RGPD4: variants seen among roughly 807,000 people sequenced by gnomAD.
RGPD4 encodes RANBP2 like and GRIP domain containing 4, also known as ranBP2-like and GRIP domain-containing protein 4.
In RGPD4, 84 loss-of-function variants were observed where a neutral mutation model predicts 141.1. The ratio of observed to expected loss-of-function variants is 0.60; its 90% CI spans 0.50 to 0.71. The LOEUF (loss-of-function observed/expected upper bound fraction) is 0.71. Ranked by LOEUF, RGPD4 falls within the 30% of genes least tolerant of loss-of-function variation. RGPD4 has a pLI of 0.00. For missense variants in RGPD4, 918 were observed against 1,622.4 expected (o/e 0.57, Z 7.46); for synonymous variants, 298 against 566.8 (o/e 0.53, Z 6.74).
intron 1 of RGPD4, 137 bp downstream of exon 1, chr2:107,827,222 C>G (rs1681233060): frequency 3.9e-6 from 2 of 514,884 alleles, no homozygotes; most frequent in African/African-American, 2.6e-5. Context: ...TCTGTTGAGG[C>G]GGCGGCCTCG....
chr2:107,840,923 A>G (rs1180403479), intron 4 of RGPD4, among the ~76,000 whole-genome samples: 1 of 68,402 alleles, frequency 1.5e-5, no homozygotes, highest in East Asian at 2.4e-4. Flanking sequence ...AGCCTTAACC[A>G]TTCACTTTTG....
intron 17 of RGPD4, among the ~76,000 whole-genome samples, chr2:107,863,797 A>C (rs2104471281): frequency 1.3e-5 from 2 of 152,048 alleles, no homozygotes; most frequent in East Asian, 3.9e-4. Flanking sequence ...CCAGCCCTTT[A>C]CTATATTTTT....
intron 20 of RGPD4, among the ~76,000 whole-genome samples, chr2:107,873,395 A>T (rs1377846596): frequency 1.6e-5 from 2 of 128,430 alleles, no homozygotes; most frequent in Non-Finnish European, 3.3e-5. Context: ...CAGCATGGTG[A>T]AACCCTGTTT....
At chr2:107,881,674 T>C (rs1333493347) in intron 21 of RGPD4, among the ~76,000 whole-genome samples, 7 of 150,550 alleles carry the variant, frequency 4.6e-5, no homozygotes, top group Non-Finnish European at 8.8e-5. Flanking sequence ...TTCTTTATTG[T>C]CACTTTTTTA....
intron 1 of RGPD4, among the ~76,000 whole-genome samples, chr2:107,830,186 A>G (rs549488072): frequency 6.6e-6 from 1 of 152,022 alleles, no homozygotes; most frequent in African/African-American, 2.4e-5. Context: ...TTAAAAAAAA[A>G]AATTCTAAAG....
intron 1 of RGPD4, among the ~76,000 whole-genome samples, chr2:107,827,427 C>G (rs1275999280): frequency 1.8e-5 from 1 of 54,968 alleles, no homozygotes; most frequent in African/African-American, 1.0e-4. Flanking sequence ...GGCCCGGCCG[C>G]GGCCGCGATG....
At chr2:107,870,335 G>A (rs1043747683) in intron 19 of RGPD4, among the ~76,000 whole-genome samples, 1 of 150,242 alleles carries the variant, frequency 6.7e-6, no homozygotes, top group African/African-American at 2.5e-5. Context: ...ATATTACAGT[G>A]GTAGTTGAAT....
intron 1 of RGPD4, among the ~76,000 whole-genome samples, chr2:107,831,576 T>TC (rs1387345852): frequency 3.9e-4 from 51 of 129,702 alleles, no homozygotes; most frequent in South Asian, 8.0e-4. Context: ...TCTTTTCTTT[T>TC]TTTTTTTTTT....
In RGPD4 at chr2:107,827,919, C is replaced by T. The variant is rs1488735446; in HGVS notation, c.72+834C>T. Among the ~76,000 whole-genome samples, 15 of 17,162 alleles carry T rather than the reference C, an allele frequency of 8.7e-4. 4 individuals carry two copies. In the African/African-American group the frequency reaches 0.012, roughly 13 times the overall value. The allele number at this position is 17,162 out of a possible 152,430, so 11.3% of individuals were successfully genotyped here. On this transcript the variant is annotated intron_variant, in intron 1 of 22. Transcript: ENST00000408999. ...CCGGGCGGCGGCGGCCTCGACCTGG[C>T]CCGGAGGCGGCCTCGATGGCTCAGG...
chr2:107,872,500 A>C lies in RGPD4; in HGVS notation c.4496A>C (p.Glu1499Ala), dbSNP rs1221815053. ...AAAATTGCTGTAGCTGTATTAGAAG[A>C]AACCACAAGAGAGAGGACAGATGTT... is the stretch of plus-strand genomic sequence containing the variant. The part of the protein sequence containing the change: ...CGKIAVAVLE[E>A]TTRERTDVIQ... Residue 1499 changes from glutamate (E) to alanine (A), a missense_variant, in exon 20 of 23, where the codon GAA becomes GCA. Transcript: ENST00000408999. The C allele has an allele frequency of 6.5e-7, 1 of 1,547,596 alleles. No individual in the cohort carries two copies. Among genetic ancestry groups the C allele is most frequent in the Non-Finnish European group, 8.8e-7 (1 of 1,142,166 alleles).
intron 6 of RGPD4, among the ~76,000 whole-genome samples, chr2:107,846,359 C>T (rs1223928252): frequency 6.6e-6 from 1 of 151,800 alleles, no homozygotes; most frequent in Non-Finnish European, 1.5e-5. Flanking sequence ...AGCCACTGCA[C>T]CCGGCCGTAT....
intron 22 of RGPD4, among the ~76,000 whole-genome samples, chr2:107,887,135 G>T (rs3178996): frequency 6.6e-6 from 1 of 151,132 alleles, no homozygotes; most frequent in African/African-American, 2.4e-5. Context: ...CTAGCTACTC[G>T]GGAGGCTAAG....
At position 107,862,854 on chromosome 2, in the gene RGPD4, G is replaced by C; in HGVS notation, c.2378G>C (p.Ser793Thr). The C allele has an allele frequency of 6.7e-7, 1 of 1,486,476 alleles. No individual in the cohort carries two copies. The highest frequency in any genetic ancestry group is 1.2e-5 in the South Asian group (1 of 84,852). 92.1% of individuals were successfully genotyped at this position (1,486,476 alleles called of 1,614,324 possible). ...AAATATTCACTATCACCAAGTAAAA[G>C]TTACAAGGTAAACAGGAAAGAATGG... is the stretch of plus-strand genomic sequence containing the variant. ...PTKYSLSPSK[S>T]YKYSPKTPPR... The change falls in exon 16 of 23, where the codon AGT becomes ACT. Residue 793 changes from serine (S) to threonine (T), a missense_variant. Physicochemically the swap from Ser to Thr is moderately conservative, Grantham distance 58. Coordinates refer to ENST00000408999, the MANE Select transcript of RGPD4 (RefSeq NM_182588.3).
chr2:107,846,558 C>T (rs1438424503), intron 6 of RGPD4, among the ~76,000 whole-genome samples: 2 of 149,920 alleles, frequency 1.3e-5, no homozygotes, highest in African/African-American at 5.0e-5. Context: ...CCTCTGCTTC[C>T]CAGGTTCAAG....
intron 1 of RGPD4, among the ~76,000 whole-genome samples, chr2:107,829,747 C>T (rs896713448): frequency 6.6e-6 from 1 of 152,040 alleles, no homozygotes; most frequent in African/African-American, 2.4e-5. Flanking sequence ...GGCTTGTTCC[C>T]GACGCTTGTT....
intron 21 of RGPD4, among the ~76,000 whole-genome samples, chr2:107,881,275 A>G (rs1675355355): frequency 1.3e-5 from 2 of 150,304 alleles, no homozygotes; most frequent in Admixed American, 6.6e-5. Context: ...TAGCTAACAA[A>G]TCACTAACTA....
chr2:107,858,075 C>T (rs1682390329), intron 9 of RGPD4, among the ~76,000 whole-genome samples: 1 of 151,948 alleles, frequency 6.6e-6, no homozygotes, highest in African/African-American at 2.4e-5. Flanking sequence ...ATTTATCTTG[C>T]TTCCTTCATG....
chr2:107,831,038 C>T (rs1473343690), intron 1 of RGPD4, among the ~76,000 whole-genome samples: 4 of 146,212 alleles, frequency 2.7e-5, no homozygotes, highest in South Asian at 2.3e-4. Flanking sequence ...ATGAGCCGGG[C>T]GTGGTGGCAG....
intron 1 of RGPD4, among the ~76,000 whole-genome samples, chr2:107,830,808 G>C (rs1368245840): frequency 2.0e-5 from 3 of 151,938 alleles, no homozygotes; most frequent in African/African-American, 7.3e-5. Context: ...TAGAATGTCG[G>C]AGTTTTGGAG....
Sources: allele counts gnomAD v4.1 joint callset (sites outside exome capture counted in the v4.1 genomes callset), GRCh38; gene constraint gnomAD v4.1.1; transcripts MANE v1.5; gene names NCBI Gene and HGNC (gene_info 2026-07-23, HGNC 2026-07-21).